The following KIR3DL1 variants were observed in gnomAD, a reference collection of about 807,000 sequenced individuals.
KIR3DL1 encodes killer cell immunoglobulin-like receptor 3DL1.
A neutral mutation model predicts 40.3 loss-of-function variants in KIR3DL1; 50 were observed. That is an observed-to-expected ratio of 1.24 (90% confidence interval 0.99 to 1.57). The LOEUF (loss-of-function observed/expected upper bound fraction) is 1.57. Ranked by LOEUF, KIR3DL1 falls within the 40% of genes most tolerant of loss-of-function variation. The pLI is 0.00. For synonymous variants in KIR3DL1, 257 were observed against 207.2 expected, an observed-to-expected ratio of 1.24 and a Z score of -2.07; for missense variants, 661 against 559.9, an observed-to-expected ratio of 1.18 and a Z score of -1.82.
chr19:54,821,587 C>G, exon 5 of KIR3DL1: 1 of 1,607,502 alleles, frequency 6.2e-7, no homozygotes, highest in South Asian at 1.1e-5. Context: ...AACCTTCTCT[C>G]TCAGCCCAGC....
At chr19:54,818,274 C>A (rs1219371480) in intron 2 of KIR3DL1, 41 bp from the exon 3 acceptor site, 1 of 1,570,802 alleles carries the variant, frequency 6.4e-7, no homozygotes, top group East Asian at 2.3e-5. Flanking sequence ...AGGGGCGGCT[C>A]CACATCCTCC....
At chr19:54,818,666 T>A (rs1420714155) in intron 3 of KIR3DL1, 67 bp downstream of exon 3, 3 of 1,554,178 alleles carry the variant, frequency 1.9e-6, no homozygotes, top group Non-Finnish European at 8.6e-7. Flanking sequence ...CTGGTGGGGG[T>A]GTCCGTCAGG....
exon 9 of KIR3DL1, chr19:54,830,235 C>G (rs778994541): frequency 6.6e-7 from 1 of 1,524,636 alleles, no homozygotes. Context: ...ACGGAACTTC[C>G]AAATGCTAAG....
rs1273726978 is a variant in KIR3DL1 at position 54,819,873 on chromosome 19, T to C, written c.516T>C (p.His172=). Reference sequence around the variant, plus strand: ...CCTCACGCCTCGTTGGACAGATCCATGATGGGGTCTCCAAGGCCAATTTCT... The same window carrying C: ...CCTCACGCCTCGTTGGACAGATCCACGATGGGGTCTCCAAGGCCAATTTCT... Residue 172 remains histidine, a synonymous_variant, in exon 4 of 9, where the codon CAT becomes CAC. Coordinates refer to ENST00000391728, the Ensembl canonical transcript of KIR3DL1. 4.5e-5 allele frequency: 72 copies of C among 1,612,106 alleles called. 1 individual carries two copies. Among genetic ancestry groups the C allele is most frequent in the Non-Finnish European group, 5.8e-5 (68 of 1,179,552 alleles).
chr19:54,821,766 C>T (rs1271494901), exon 5 of KIR3DL1: 3 of 1,607,714 alleles, frequency 1.9e-6, no homozygotes, highest in Admixed American at 3.3e-5. Flanking sequence ...GGCCCTGCCA[C>T]CCACGGAGGG....
At chr19:54,821,679 G>C (rs1327594982) in exon 5 of KIR3DL1, 1 of 1,609,912 alleles carries the variant, frequency 6.2e-7, no homozygotes, top group East Asian at 2.2e-5. Context: ...CATCTATCCA[G>C]GGAGGGGGGA....
At chr19:54,818,354 C>A in exon 3 of KIR3DL1, 1 of 1,605,358 alleles carries the variant, frequency 6.2e-7, no homozygotes. Context: ...TGGCCCAGCG[C>A]TGTGGTGCCT....
chr19:54,824,204 T>C (rs1250309566), intron 5 of KIR3DL1, among the ~76,000 whole-genome samples: 1 of 151,696 alleles, frequency 6.6e-6, no homozygotes, highest in Non-Finnish European at 1.5e-5. Context: ...TTCTTCTACA[T>C]GTTTCATAGG....
chr19:54,828,538 G>C (rs531620976), intron 6 of KIR3DL1, among the ~76,000 whole-genome samples: 1 of 151,132 alleles, frequency 6.6e-6, no homozygotes, highest in Admixed American at 6.6e-5. Flanking sequence ...AAAGCTGCTC[G>C]AGACATGTGG....
exon 9 of KIR3DL1, chr19:54,830,473 A>G: frequency 1.5e-6 from 1 of 686,192 alleles, no homozygotes; most frequent in Non-Finnish European, 2.4e-6. Context: ...CCTGCTGGAA[A>G]GAAAACACAC....
At chr19:54,827,672 A>T (rs1291112539) in intron 6 of KIR3DL1, among the ~76,000 whole-genome samples, 1 of 150,536 alleles carries the variant, frequency 6.6e-6, no homozygotes, top group East Asian at 1.9e-4. Flanking sequence ...TGACAAAGGC[A>T]CCTGAATTCC....
intron 6 of KIR3DL1, among the ~76,000 whole-genome samples, chr19:54,827,662 T>A (rs3097896): frequency 2.7e-5 from 4 of 149,964 alleles, no homozygotes; most frequent in Admixed American, 6.6e-5. Context: ...CACACACGAA[T>A]GACAAAGGCA....
chr19:54,826,683 C>T (rs2061909540), intron 6 of KIR3DL1, among the ~76,000 whole-genome samples: 1 of 149,480 alleles, frequency 6.7e-6, no homozygotes, highest in Admixed American at 6.7e-5. Context: ...GAAGGTCTCA[C>T]TAATCAGATA....
chr19:54,823,050 T>A (rs2061716994), intron 5 of KIR3DL1, among the ~76,000 whole-genome samples: 1 of 150,750 alleles, frequency 6.6e-6, no homozygotes, highest in African/African-American at 2.5e-5. Context: ...TTTTTCTTTT[T>A]TGAGAAAGAG....
chr19:54,829,971 C>T lies in KIR3DL1; in HGVS notation c.1149C>T (p.Ala383=), dbSNP rs551789867. The change falls in exon 8 of 9, where the codon GCC becomes GCT. Residue 383 remains alanine, a synonymous_variant. Coordinates refer to ENST00000391728, the Ensembl canonical transcript of KIR3DL1. ...AAGAGCCTGCAGGGAACAGAACAGC[C>T]AACAGCGAGGTAGGTGCTCCTCGGC... is the stretch of plus-strand genomic sequence containing the variant. The T allele has an allele frequency of 1.9e-5, 27 of 1,452,734 alleles. 4 individuals carry two copies. Among genetic ancestry groups the T allele is most frequent in the South Asian group, 8.1e-5 (6 of 73,690 alleles). 90.0% of individuals were successfully genotyped at this position (1,452,734 alleles called of 1,614,324 possible).
intron 6 of KIR3DL1, among the ~76,000 whole-genome samples, chr19:54,828,725 G>C (rs1275205141): frequency 6.8e-6 from 1 of 148,020 alleles, no homozygotes; most frequent in East Asian, 2.0e-4. Flanking sequence ...GGACTTTGCT[G>C]TCTTAGTCCA....
chr19:54,819,527 G>A (rs1455891613), intron 3 of KIR3DL1, among the ~76,000 whole-genome samples, 186 bp from the exon 4 acceptor site: 4 of 151,322 alleles, frequency 2.6e-5, no homozygotes, highest in Non-Finnish European at 5.9e-5. Flanking sequence ...GAGACAGAGG[G>A]ACAGAGAAGA....
chr19:54,820,078 A>G lies in KIR3DL1; in HGVS notation c.655+66A>G, dbSNP rs2061561007. ...CAGAGTGAATGATCCAGGACTTGGA[A>G]CCCCCAGGTGGTCATGAGGAAGATA... On this transcript the variant is annotated intron_variant, in intron 4 of 8. Transcript: ENST00000391728. 8.5e-6 allele frequency: 13 copies of G among 1,529,098 alleles called. 1 individual carries two copies. The South Asian group carries it at 1.4e-4, about 16-fold the overall frequency. The allele number at this position is 1,529,098 out of a possible 1,614,324, so 94.7% of individuals were successfully genotyped here.
At chr19:54,821,956 G>C in intron 5 of KIR3DL1, 98 bp downstream of exon 5, 1 of 1,403,750 alleles carries the variant, frequency 7.1e-7, no homozygotes, top group East Asian at 2.3e-5. Flanking sequence ...CAGATGCAGA[G>C]AGAAGACACA....
Sources: gnomAD v4.1 joint callset for allele counts (sites outside exome capture counted in the v4.1 genomes callset) on GRCh38, gnomAD v4.1.1 for gene constraint, MANE v1.5 for transcripts, NCBI Gene and HGNC (gene_info 2026-07-23, HGNC 2026-07-21) for gene names.